Variants in DNAH17 observed in about 807,000 individuals in gnomAD.
DNAH17 encodes the protein axonemal beta dynein heavy chain 17.
In DNAH17, 376 loss-of-function variants were observed where a neutral mutation model predicts 485.6. That is an observed-to-expected ratio of 0.77 (90% CI 0.71 to 0.84). DNAH17 has a LOEUF of 0.84. DNAH17 is among the 40% of genes least tolerant of loss of function. DNAH17 has a pLI of 0.00. For missense variants in DNAH17, 6,370 were observed against 5,839.3 expected (o/e 1.09, Z -2.96); for synonymous variants, 3,031 against 2,405.9 (o/e 1.26, Z -7.60).
At position 78,426,490 on chromosome 17, in the gene DNAH17, C is replaced by G; in HGVS notation, c.12882G>C (p.Ala4294=). 6.2e-7 allele frequency: 1 copy of G among 1,612,338 alleles called. No homozygotes were observed. Among genetic ancestry groups the G allele is most frequent in the South Asian group, 1.1e-5 (1 of 90,862 alleles). Residue 4294 remains alanine (A), a synonymous_variant, in exon 79 of 81, where the codon GCG becomes GCC. Transcript: ENST00000389840. ...ARAYPSMMGL[A]AWYADLLLRI... is the part of the protein sequence containing the mutation. ...GGAGCAGCAGGTCTGCGTACCAGGCCGCCAGGCCCATCATGGAGGGGTAGG... is the reference window on the plus strand; with the variant it reads ...GGAGCAGCAGGTCTGCGTACCAGGCGGCCAGGCCCATCATGGAGGGGTAGG...
At chr17:78,473,665 T>C (rs1193412980) in intron 54 of DNAH17, among the ~76,000 whole-genome samples, 1 of 150,316 alleles carries the variant, frequency 6.7e-6, no homozygotes, top group Non-Finnish European at 1.5e-5. Flanking sequence ...AATAAAATAG[T>C]ACCGCTGAGG....
At chr17:78,511,147 C>T (rs777927605) in intron 26 of DNAH17, among the ~76,000 whole-genome samples, 20 of 152,222 alleles carry the variant, frequency 1.3e-4, no homozygotes, top group South Asian at 4.1e-4. Context: ...GACAGAGTCT[C>T]GCTTTGTCAC....
At position 78,569,449 on chromosome 17, in the gene DNAH17, G is replaced by C. The variant is rs922029654; in HGVS notation, c.1123C>G (p.Leu375Val). 6.2e-7 allele frequency: 1 copy of C among 1,612,288 alleles called. No homozygotes were observed. The highest frequency in any genetic ancestry group is 2.2e-5 in the East Asian group (1 of 44,830). The change falls in exon 8 of 81, where the codon CTG (leucine) becomes GTG (valine). Residue 375 changes from leucine to valine, a missense_variant. Physicochemically the swap from Leu to Val is conservative, Grantham distance 32. Coordinates refer to ENST00000389840, the MANE Select transcript of DNAH17 (RefSeq NM_173628.4). ...AGCTCCTTCAGCACATTTACAGCCA[G>C]GGAGATGCCACTCAGGACTTCCTCG... ...EIEEVLSGIS[L>V]AVNVLKELYQ... is the part of the protein sequence containing the mutation.
Position 78,558,114 on chromosome 17 carries a change from A to G in DNAH17, c.2172T>C (p.Tyr724=), listed in dbSNP as rs1051789723. Residue 724 remains tyrosine (Y), a synonymous_variant, in exon 14 of 81, where the codon TAT becomes TAC. Coordinates refer to ENST00000389840, the MANE Select transcript of DNAH17 (RefSeq NM_173628.4). Reference sequence around the variant, plus strand: ...TACCGACTCACCAACTCACCTCATTATACCAGCCAACGATGAGCTCCAGGT... The same window carrying G: ...TACCGACTCACCAACTCACCTCATTGTACCAGCCAACGATGAGCTCCAGGT... The part of the protein sequence containing the change: ...VGNLELIVGW[Y]NEIKTIVKAV... 2 of 1,613,332 alleles carry G rather than the reference A, an allele frequency of 1.2e-6. No individual in the cohort carries two copies. Among genetic ancestry groups the G allele is most frequent in the African/African-American group, 2.7e-5 (2 of 74,894 alleles).
intron 72 of DNAH17, 32 bp from the exon 73 acceptor site, chr17:78,439,249 A>G (rs1256050935): frequency 1.9e-6 from 3 of 1,588,120 alleles, no homozygotes; most frequent in Middle Eastern, 1.8e-4. Flanking sequence ...AAAAAACACC[A>G]CGTAATTAAA....
At position 78,459,133 on chromosome 17, in the gene DNAH17, G is replaced by A; in HGVS notation, c.9729C>T (p.Ser3243=). The stretch of plus-strand genomic sequence containing the variant: ...AGAAGCGGACGATGTTGATGCACCA[G>A]GAGCACAGGCCGGCGGCGGCCGTGG... ...SKSTAAAGLC[S]WCINIVRFYE... Residue 3243 remains serine, a synonymous_variant, in exon 61 of 81, where the codon TCC becomes TCT. Transcript: ENST00000389840. The A allele has an allele frequency of 1.9e-6, 3 of 1,614,046 alleles. No individual in the cohort carries two copies. The African/African-American group carries it at 4.0e-5, about 21-fold the overall frequency.
chr17:78,493,977 G>A (rs983751724), intron 41 of DNAH17, 59 bp downstream of exon 41: 161 of 1,558,824 alleles, frequency 1.0e-4, no homozygotes, highest in Middle Eastern at 2.1e-4. Flanking sequence ...CCGACCCTTC[G>A]CCCCAGCCCT....
chr17:78,564,008 T>C (rs143885757), intron 11 of DNAH17, among the ~76,000 whole-genome samples: 113 of 152,256 alleles, frequency 7.4e-4, no homozygotes, highest in African/African-American at 2.6e-3. Context: ...AAAGCCCCTC[T>C]TGACCCTAAC....
chr17:78,460,127 G>C, intron 59 of DNAH17, 35 bp downstream of exon 59: 1 of 1,583,244 alleles, frequency 6.3e-7, no homozygotes, highest in East Asian at 2.3e-5. Context: ...TCTCCAACCA[G>C]GCCAGGGGTC....
intron 26 of DNAH17, among the ~76,000 whole-genome samples, chr17:78,513,864 C>T (rs1240757520): frequency 5.3e-5 from 8 of 152,192 alleles, no homozygotes; most frequent in Non-Finnish European, 4.4e-5. Context: ...TTCTCTGCTT[C>T]CTTGAGAGCA....
intron 69 of DNAH17, 109 bp downstream of exon 69, chr17:78,449,305 C>A: frequency 8.4e-7 from 1 of 1,184,964 alleles, no homozygotes. Context: ...GGTTTGAAAT[C>A]ACCAGGTTTG....
intron 30 of DNAH17, 133 bp downstream of exon 30, chr17:78,506,587 A>G (rs1044267779): frequency 6.4e-5 from 86 of 1,343,452 alleles, no homozygotes; most frequent in Non-Finnish European, 8.7e-5. Flanking sequence ...CTTCTGGTGC[A>G]GAGGGCCTCC....
rs762171894 is a variant in DNAH17 at position 78,571,708 on chromosome 17, C to T, written c.614G>A (p.Arg205Gln). 85 of 1,613,688 alleles carry T rather than the reference C, an allele frequency of 5.3e-5. No individual in the cohort carries two copies. Among genetic ancestry groups the T allele is most frequent in the Non-Finnish European group, 6.5e-5 (77 of 1,179,782 alleles). ...GGCTGAGTCTTTGCTCAGCACATCC[C>T]GGATCTGGTGGGACCAGTCGATGAT... Reference protein sequence around the residue: ...TTIIDWSHQIRDVLSKDSAQA... With the variant: ...TTIIDWSHQIQDVLSKDSAQA... Residue 205 changes from arginine to glutamine, a missense_variant, in exon 4 of 81, where the codon CGG (arginine) becomes CAG (glutamine). Coordinates refer to ENST00000389840, the MANE Select transcript of DNAH17 (RefSeq NM_173628.4).
rs2090963620 is a variant in DNAH17 at position 78,522,672 on chromosome 17, C to G, written c.3864+2337G>C. ...GGCCGGCTGCTTCCTGAATGCTGAGCATGCACGGAAATTCCAAAGTTCAGA... is the reference window on the plus strand; with the variant it reads ...GGCCGGCTGCTTCCTGAATGCTGAGGATGCACGGAAATTCCAAAGTTCAGA... On this transcript the variant is annotated intron_variant, in intron 25 of 80. Transcript: ENST00000389840. The G allele has an allele frequency of 2.4e-5, 5 of 209,038 alleles. No individual in the cohort carries two copies. In the South Asian group the frequency reaches 3.4e-4, roughly 14 times the overall value. The allele number at this position is 209,038 out of a possible 1,614,324, so 12.9% of individuals were successfully genotyped here.
chr17:78,499,110 G>A lies in DNAH17; in HGVS notation c.5643C>T (p.Ser1881=), dbSNP rs1162583638. ...CCAGGCCCTTGTAGATATTTCCACAGGACTGGAAAGGGCGAGATGGAGAAA... is the reference window on the plus strand; with the variant it reads ...CCAGGCCCTTGTAGATATTTCCACAAGACTGGAAAGGGCGAGATGGAGAAA... ...FNCSEQMDYK[S]CGNIYKGLAQ... The change falls in exon 37 of 81, where the codon TCC becomes TCT. Residue 1881 remains serine, a splice_region_variant and synonymous_variant. Transcript: ENST00000389840. The A allele has an allele frequency of 5.0e-6, 8 of 1,585,348 alleles. No individual in the cohort carries two copies. In the African/African-American group the frequency reaches 8.1e-5, roughly 16 times the overall value.
intron 9 of DNAH17, among the ~76,000 whole-genome samples, chr17:78,567,688 G>A (rs1019926980): frequency 5.9e-5 from 9 of 152,254 alleles, no homozygotes; most frequent in African/African-American, 1.4e-4. Context: ...CTTCCTCGCC[G>A]GTGTGGCTCA....
rs754017320 is a variant in DNAH17 at position 78,507,308 on chromosome 17, AG to A, written c.4645del (p.Leu1549SerfsTer8). 2.5e-6 allele frequency: 4 copies of A among 1,613,864 alleles called. No individual in the cohort carries two copies. The African/African-American group carries it at 5.3e-5, about 22-fold the overall frequency. Reference protein sequence around the residue: ...NVVEATSKPGLYNKLEALKKS... With the variant: ...NVVEATSKPGXYNKLEALKKS... ...CTTCAGGGCCTCCAGTTTATTGTAG[AG>A]GCCGGGTTTGCTGGTGGCTTCCACC... On this transcript the variant is annotated frameshift_variant, in exon 29 of 81. Transcript: ENST00000389840. LOFTEE classifies it high-confidence loss of function.
At chr17:78,574,683 C>A (rs1314528600) in intron 2 of DNAH17, 30 bp downstream of exon 2, 18 of 1,560,744 alleles carry the variant, frequency 1.2e-5, no homozygotes, top group Non-Finnish European at 1.5e-5. Flanking sequence ...TCGTGCTCGA[C>A]ACCCCGGATG....
At chr17:78,550,940 C>T (rs2091888491) in intron 16 of DNAH17, among the ~76,000 whole-genome samples, 1 of 152,164 alleles carries the variant, frequency 6.6e-6, no homozygotes, top group Non-Finnish European at 1.5e-5. Flanking sequence ...GAATCAGAGC[C>T]AGATGCGGTG....
Sources: allele counts gnomAD v4.1 joint callset (sites outside exome capture counted in the v4.1 genomes callset), GRCh38; gene constraint gnomAD v4.1.1; transcripts MANE v1.5; gene names NCBI Gene and HGNC (gene_info 2026-07-23, HGNC 2026-07-21).